PXDNL: variants seen among roughly 807,000 people sequenced by gnomAD.
PXDNL encodes probable oxidoreductase PXDNL.
In PXDNL, 145 loss-of-function variants were observed where a neutral mutation model predicts 150.8. The ratio of observed to expected loss-of-function variants is 0.96; its 90% CI spans 0.84 to 1.10. The LOEUF is 1.10. Ranked by LOEUF, PXDNL falls within the 50% of genes least tolerant of loss-of-function variation. PXDNL has a pLI of 0.00. For synonymous variants in PXDNL, 757 were observed against 725.7 expected (o/e 1.04, Z -0.69); for missense variants, 2,087 against 1,873.9 (o/e 1.11, Z -2.10).
intron 2 of PXDNL, among the ~76,000 whole-genome samples, chr8:51,620,700 C>G (rs776790572): frequency 2.8e-5 from 2 of 70,326 alleles, no homozygotes; most frequent in Non-Finnish European, 5.6e-5. Context: ...CACGCTGCCA[C>G]GCCCGGCTAA....
chr8:51,804,880 C>A (rs2037659129), intron 1 of PXDNL, among the ~76,000 whole-genome samples: 1 of 151,988 alleles, frequency 6.6e-6, no homozygotes, highest in Non-Finnish European at 1.5e-5. Flanking sequence ...GTACATTATA[C>A]CCCAGCCAGT....
chr8:51,365,732 T>C (rs1224155541), intron 19 of PXDNL, among the ~76,000 whole-genome samples: 4 of 152,172 alleles, frequency 2.6e-5, no homozygotes. Flanking sequence ...CCCAAAATGA[T>C]GGTAACTGAG....
intron 1 of PXDNL, among the ~76,000 whole-genome samples, chr8:51,779,982 T>A (rs879477933): frequency 3.9e-5 from 6 of 151,914 alleles, no homozygotes; most frequent in Non-Finnish European, 7.4e-5. Flanking sequence ...GAGGCTGAGG[T>A]GTGTGGATCA....
chr8:51,762,670 T>G (rs374386176), intron 1 of PXDNL, among the ~76,000 whole-genome samples: 78 of 152,354 alleles, frequency 5.1e-4, no homozygotes, highest in African/African-American at 1.5e-3. Context: ...ATGTATTTAT[T>G]AAATGTATTT....
At chr8:51,400,647 C>G (rs1808220431) in intron 17 of PXDNL, among the ~76,000 whole-genome samples, 1 of 152,118 alleles carries the variant, frequency 6.6e-6, no homozygotes, top group Non-Finnish European at 1.5e-5. Context: ...TTTGCTCAGG[C>G]ATGTGTGTCT....
intron 9 of PXDNL, among the ~76,000 whole-genome samples, chr8:51,456,282 T>C (rs1327084656): frequency 6.6e-6 from 1 of 152,192 alleles, no homozygotes; most frequent in Non-Finnish European, 1.5e-5. Flanking sequence ...TGCTCCAGGA[T>C]CTCCATCTCT....
chr8:51,432,934 G>T (rs770601511), intron 12 of PXDNL, among the ~76,000 whole-genome samples: 2 of 107,964 alleles, frequency 1.9e-5, no homozygotes, highest in Admixed American at 1.7e-4. Flanking sequence ...TCGGCCAGGC[G>T]CAGTGGCTCA....
chr8:51,441,991 CCACACTG>C (rs1809563048), intron 12 of PXDNL, among the ~76,000 whole-genome samples: 1 of 152,082 alleles, frequency 6.6e-6, no homozygotes, highest in Non-Finnish European at 1.5e-5. Flanking sequence ...GGAGAGGTCG[CCACACTG>C]CTGGCTTCCA....
chr8:51,435,199 T>C (rs1809362563), intron 12 of PXDNL, among the ~76,000 whole-genome samples: 3 of 151,994 alleles, frequency 2.0e-5, no homozygotes, highest in Admixed American at 2.0e-4. Flanking sequence ...CACATGCTTG[T>C]AATCCCAGCT....
In PXDNL at chr8:51,532,805, A is replaced by T. The variant is rs139785006; in HGVS notation, c.380+24035T>A. On this transcript the variant is annotated intron_variant, in intron 4 of 22. Transcript: ENST00000356297. ...ATGCAGAGCAGCCTTCACTAAAGAT[A>T]TTAAAACAAATGATAGAATAAGCTT... is the stretch of plus-strand genomic sequence containing the variant. 1.2e-3 allele frequency among the ~76,000 whole-genome samples: 182 copies of T among 152,328 alleles called. 1 individual carries two copies. The highest frequency in any genetic ancestry group is 2.7e-3 in the Admixed American group (41 of 15,292).
chr8:51,667,512 A>G (rs1585660742), intron 1 of PXDNL, among the ~76,000 whole-genome samples: 1 of 152,056 alleles, frequency 6.6e-6, no homozygotes, highest in African/African-American at 2.4e-5. Context: ...CACCAATTTG[A>G]TATTTTTCAT....
chr8:51,345,688 TTC>T, intron 20 of PXDNL, 143 bp downstream of exon 20: 1 of 563,150 alleles, frequency 1.8e-6, no homozygotes. Flanking sequence ...ACAGAATTCA[TTC>T]TGTGTTTTCT....
chr8:51,516,468 C>A (rs149458733), intron 4 of PXDNL, among the ~76,000 whole-genome samples: 2 of 152,312 alleles, frequency 1.3e-5, no homozygotes, highest in African/African-American at 4.8e-5. Flanking sequence ...ATTTGTATTT[C>A]TCCTTCAAAG....
intron 17 of PXDNL, among the ~76,000 whole-genome samples, chr8:51,382,673 C>A (rs141531657): frequency 1.8e-3 from 273 of 151,944 alleles, no homozygotes; most frequent in African/African-American, 6.4e-3. Flanking sequence ...ATCATACACC[C>A]CTGCATTACT....
At chr8:51,651,477 A>C (rs1393297183) in intron 2 of PXDNL, among the ~76,000 whole-genome samples, 1 of 152,150 alleles carries the variant, frequency 6.6e-6, no homozygotes, top group African/African-American at 2.4e-5. Flanking sequence ...TCACAAAACA[A>C]TTGGAAGGAC....
intron 2 of PXDNL, among the ~76,000 whole-genome samples, chr8:51,600,386 GATA>G (rs1424780545): frequency 7.7e-6 from 1 of 129,518 alleles, no homozygotes; most frequent in Non-Finnish European, 1.6e-5. Context: ...ATATCGTTTA[GATA>G]ATAAATTATA....
chr8:51,474,061 A>G (rs1332980171), intron 7 of PXDNL, among the ~76,000 whole-genome samples: 1 of 152,202 alleles, frequency 6.6e-6, no homozygotes, highest in African/African-American at 2.4e-5. Flanking sequence ...TTTTGGCAGT[A>G]AAGACCAAGT....
rs1805295664 is a variant in PXDNL at position 51,320,864 on chromosome 8, C to A, written c.4180G>T (p.Gly1394Trp). 2.5e-6 allele frequency: 4 copies of A among 1,613,848 alleles called. No individual in the cohort carries two copies. The highest frequency in any genetic ancestry group is 4.5e-5 in the East Asian group (2 of 44,892). Residue 1394 changes from glycine to tryptophan, a missense_variant, in exon 22 of 23, where the codon GGG (glycine) becomes TGG (tryptophan). By Grantham distance (184) the Gly-to-Trp change is radical (BLOSUM62 -2). Transcript: ENST00000356297. The part of the protein sequence containing the change: ...NKLEARLRQA[G>W]CTDVRGVPRK... Reference sequence around the variant, plus strand: ...GGAACCCCTCTAACATCTGTACACCCTGCCTGCCTCAGGCGTGCCTCCAGC... The same window carrying A: ...GGAACCCCTCTAACATCTGTACACCATGCCTGCCTCAGGCGTGCCTCCAGC...
intron 2 of PXDNL, among the ~76,000 whole-genome samples, chr8:51,648,162 A>C (rs952985860): frequency 6.6e-6 from 1 of 152,222 alleles, no homozygotes; most frequent in African/African-American, 2.4e-5. Context: ...ACCACCGCCA[A>C]TCATAACTAA....
Sources: allele counts gnomAD v4.1 joint callset (sites outside exome capture counted in the v4.1 genomes callset), GRCh38; gene constraint gnomAD v4.1.1; transcripts MANE v1.5; gene names NCBI Gene and HGNC (gene_info 2026-07-23, HGNC 2026-07-21).